INSC: variants seen among roughly 807,000 people sequenced by gnomAD.
INSC encodes protein inscuteable homolog.
In INSC, 67 loss-of-function variants were observed where a neutral mutation model predicts 58.6. The observed-to-expected ratio is 1.14, with a 90% CI of 0.94 to 1.40. The LOEUF (loss-of-function observed/expected upper bound fraction) is 1.40. INSC is among the 40% of genes most tolerant of loss of function. The pLI is 0.00. For missense variants in INSC, 714 were observed against 692.0 expected, an observed-to-expected ratio of 1.03 and a Z score of -0.36; for synonymous variants, 262 against 276.1, an observed-to-expected ratio of 0.95 and a Z score of 0.51.
chr11:15,124,119 C>A (rs918613043), intron 1 of INSC, among the ~76,000 whole-genome samples: 2 of 152,198 alleles, frequency 1.3e-5, no homozygotes, highest in African/African-American at 4.8e-5. Context: ...AGCTATCCAT[C>A]CGTGAACAAG....
chr11:15,197,853 A>T (rs528167274), intron 6 of INSC, among the ~76,000 whole-genome samples: 1 of 152,162 alleles, frequency 6.6e-6, no homozygotes, highest in Non-Finnish European at 1.5e-5. Context: ...CCACTTTATG[A>T]CAGCTCATCC....
intron 9 of INSC, among the ~76,000 whole-genome samples, chr11:15,227,054 G>C (rs943500038): frequency 6.6e-6 from 1 of 152,212 alleles, no homozygotes; most frequent in African/African-American, 2.4e-5. Context: ...TAATAATACT[G>C]TGACACTGGT....
chr11:15,269,501 C>G, the INSC span, among the ~76,000 whole-genome samples: 2 of 151,652 alleles, frequency 1.3e-5, no homozygotes, highest in African/African-American at 4.8e-5. Context: ...TTTTATCCAT[C>G]CATGGCTGAC....
At chr11:15,161,235 G>C (rs1370220040) in intron 2 of INSC, among the ~76,000 whole-genome samples, 1 of 152,136 alleles carries the variant, frequency 6.6e-6, no homozygotes. Context: ...AAGGTGGGTT[G>C]GTGGGTCTCA....
upstream of INSC, among the ~76,000 whole-genome samples, chr11:15,112,895 T>C (rs942813722): frequency 3.3e-5 from 5 of 152,114 alleles, no homozygotes; most frequent in Non-Finnish European, 7.4e-5. Flanking sequence ...CCTCATGAGC[T>C]GGGCAGAGAT....
intron 2 of INSC, among the ~76,000 whole-genome samples, chr11:15,165,752 G>T (rs1849172219): frequency 6.6e-6 from 1 of 152,192 alleles, no homozygotes; most frequent in Non-Finnish European, 1.5e-5. Flanking sequence ...TGGCAGCCAT[G>T]CTGGGTGGAC....
intron 2 of INSC, among the ~76,000 whole-genome samples, chr11:15,159,042 C>G (rs986212473): frequency 2.0e-5 from 3 of 152,110 alleles, no homozygotes; most frequent in Non-Finnish European, 4.4e-5. Context: ...GGCTGTAGGA[C>G]TTGAGACAGG....
intron 9 of INSC, among the ~76,000 whole-genome samples, chr11:15,233,612 G>A (rs866222708): frequency 2.0e-5 from 3 of 152,180 alleles, no homozygotes; most frequent in East Asian, 1.9e-4. Flanking sequence ...AAAGACCTAC[G>A]TGGTGCCTGT....
At chr11:15,195,212 G>T (rs1850324925) in intron 6 of INSC, among the ~76,000 whole-genome samples, 1 of 152,180 alleles carries the variant, frequency 6.6e-6, no homozygotes, top group South Asian at 2.1e-4. Context: ...ACAGCCAACA[G>T]CTCCAACCTC....
intron 1 of INSC, among the ~76,000 whole-genome samples, chr11:15,117,652 A>C (rs1847763554): frequency 6.6e-6 from 1 of 152,236 alleles, no homozygotes; most frequent in Non-Finnish European, 1.5e-5. Context: ...GAAGGAAATC[A>C]GAACAAATAA....
At chr11:15,129,350 A>G (rs968869984) in intron 1 of INSC, among the ~76,000 whole-genome samples, 12 of 152,216 alleles carry the variant, frequency 7.9e-5, no homozygotes, top group African/African-American at 2.9e-4. Flanking sequence ...TCTGGCAGGA[A>G]AAGTCTCTCC....
At chr11:15,195,318 A>G (rs1286209082) in intron 6 of INSC, among the ~76,000 whole-genome samples, 7 of 152,184 alleles carry the variant, frequency 4.6e-5, no homozygotes, top group African/African-American at 1.7e-4. Flanking sequence ...CCCTTTCAAA[A>G]TGAGTTGCAA....
chr11:15,170,746 A>G (rs1019149674), intron 2 of INSC, among the ~76,000 whole-genome samples: 2 of 152,194 alleles, frequency 1.3e-5, no homozygotes, highest in African/African-American at 4.8e-5. Context: ...CATCCAGTTT[A>G]TATGAGGTAA....
At chr11:15,194,120 G>T (rs1850283983) in intron 6 of INSC, among the ~76,000 whole-genome samples, 1 of 152,156 alleles carries the variant, frequency 6.6e-6, no homozygotes, top group Admixed American at 6.5e-5. Context: ...TGGTTAATTT[G>T]CCCCTGAATT....
At chr11:15,226,245 T>C (rs542293716) in intron 9 of INSC, among the ~76,000 whole-genome samples, 5 of 152,198 alleles carry the variant, frequency 3.3e-5, no homozygotes, top group African/African-American at 1.2e-4. Context: ...CTGGTCATGT[T>C]GGTGGCCGTC....
chr11:15,189,920 C>T lies in INSC; in HGVS notation c.580-781C>T, dbSNP rs188897181. Among the ~76,000 whole-genome samples the T allele has an allele frequency of 2.6e-4, 40 of 152,336 alleles. No homozygotes were observed. In the East Asian group the frequency reaches 7.1e-3, roughly 27 times the overall value. On this transcript the variant is annotated intron_variant, in intron 5 of 12. Transcript: ENST00000379556. Reference sequence around the variant, plus strand: ...TAAAAACCTTTCCCTCAGAAATTAGCTGAACTTTTCTAGAAATAATCTTTG... The same window carrying T: ...TAAAAACCTTTCCCTCAGAAATTAGTTGAACTTTTCTAGAAATAATCTTTG...
the INSC span, among the ~76,000 whole-genome samples, chr11:15,265,784 G>A: frequency 2.1e-5 from 3 of 144,546 alleles, no homozygotes; most frequent in Admixed American, 6.9e-5. Context: ...TTTATTTTTC[G>A]GTATGGTAGG....
chr11:15,111,904 A>T (rs961640448), upstream of INSC, among the ~76,000 whole-genome samples: 4 of 152,158 alleles, frequency 2.6e-5, no homozygotes, highest in African/African-American at 9.7e-5. Flanking sequence ...TTCATGTGTA[A>T]AATAGGGATA....
chr11:15,169,525 T>A (rs1849318857), intron 2 of INSC, among the ~76,000 whole-genome samples: 1 of 146,272 alleles, frequency 6.8e-6, no homozygotes, highest in Non-Finnish European at 1.5e-5. Flanking sequence ...GTTTTTGTTG[T>A]TGTTGTTGTT....
Sources: allele counts gnomAD v4.1 joint callset (sites outside exome capture counted in the v4.1 genomes callset), GRCh38; gene constraint gnomAD v4.1.1; transcripts MANE v1.5; gene names NCBI Gene and HGNC (gene_info 2026-07-23, HGNC 2026-07-21).